The following CWH43 variants were observed in gnomAD, a reference collection of about 807,000 sequenced individuals.
CWH43 encodes cell wall biogenesis 43 C-terminal homolog, also known as PGAP2-interacting protein.
Under a neutral mutation model 85.7 loss-of-function variants are expected in CWH43, and 91 were observed. The observed-to-expected ratio is 1.06, with a 90% CI of 0.90 to 1.26. The LOEUF (loss-of-function observed/expected upper bound fraction) is 1.26. Among genes scored for constraint, CWH43 ranks in the 50% most tolerant of loss-of-function variants. The pLI is 0.00. For missense variants in CWH43, 869 were observed against 839.2 expected, an observed-to-expected ratio of 1.04 and a Z score of -0.44; for synonymous variants, 323 against 293.6, an observed-to-expected ratio of 1.10 and a Z score of -1.02.
chr4:48,987,439 G>A (rs555995415), intron 1 of CWH43, among the ~76,000 whole-genome samples: 3 of 152,282 alleles, frequency 2.0e-5, no homozygotes, highest in East Asian at 1.9e-4. Context: ...TGGTTAGACC[G>A]GCTACCTTTG....
intron 5 of CWH43, 102 bp from the exon 6 acceptor site, chr4:48,998,358 C>G (rs1260311514): frequency 3.4e-6 from 3 of 870,524 alleles, no homozygotes; most frequent in Non-Finnish European, 5.6e-6. Flanking sequence ...CACACGTTAT[C>G]TCTTATATGT....
At chr4:49,004,884 T>A (rs1783107498) in intron 7 of CWH43, among the ~76,000 whole-genome samples, 1 of 152,206 alleles carries the variant, frequency 6.6e-6, no homozygotes, top group African/African-American at 2.4e-5. Context: ...TATAATTTCA[T>A]AAACTTAGTT....
intron 15 of CWH43, among the ~76,000 whole-genome samples, chr4:49,058,036 A>G (rs1785021294): frequency 6.6e-6 from 1 of 152,118 alleles, no homozygotes; most frequent in South Asian, 2.1e-4. Flanking sequence ...GCAATTTCTT[A>G]TAACTTATTT....
chr4:49,010,336 T>G (rs1380181640), intron 8 of CWH43, among the ~76,000 whole-genome samples: 1 of 152,244 alleles, frequency 6.6e-6, no homozygotes, highest in East Asian at 1.9e-4. Context: ...CTTTATCATT[T>G]TTTATCATGT....
rs368768246 is a variant in CWH43 at position 49,014,443 on chromosome 4, A to C, written c.1187-2806A>C. 6.4e-4 allele frequency among the ~76,000 whole-genome samples: 95 copies of C among 148,976 alleles called. 1 individual carries two copies. In the South Asian group the frequency reaches 0.02, roughly 31 times the overall value. Reference sequence around the variant, plus strand: ...CACTGCACTTCAGCATGGATGACAGAATGAGACTCTGACTCAAAAAAAAAA... The same window carrying C: ...CACTGCACTTCAGCATGGATGACAGCATGAGACTCTGACTCAAAAAAAAAA... On this transcript the variant is annotated intron_variant, in intron 8 of 15. Coordinates refer to ENST00000226432, the MANE Select transcript of CWH43 (RefSeq NM_025087.3).
intron 6 of CWH43, among the ~76,000 whole-genome samples, chr4:49,000,139 T>G (rs1411212485): frequency 3.3e-5 from 5 of 152,144 alleles, no homozygotes; most frequent in Non-Finnish European, 7.4e-5. Context: ...TACATGTTAA[T>G]TAAGTTGGTG....
intron 4 of CWH43, among the ~76,000 whole-genome samples, chr4:48,994,182 C>T (rs527828553): frequency 6.6e-6 from 1 of 152,342 alleles, no homozygotes; most frequent in East Asian, 1.9e-4. Flanking sequence ...TGCACAGTGG[C>T]TGCCCAGTCA....
At chr4:49,002,998 A>G (rs1039500373) in intron 6 of CWH43, among the ~76,000 whole-genome samples, 1 of 152,192 alleles carries the variant, frequency 6.6e-6, no homozygotes, top group Non-Finnish European at 1.5e-5. Flanking sequence ...GAAAGGGGTT[A>G]TATTGATGGT....
At chr4:48,986,778 C>T (rs1248448285) in intron 1 of CWH43, 9 of 1,228,830 alleles carry the variant, frequency 7.3e-6, no homozygotes, top group Admixed American at 4.4e-5. Flanking sequence ...CTTGACCCCG[C>T]GCGGCCGGTA....
chr4:49,009,610 G>A (rs1440975156), intron 8 of CWH43, among the ~76,000 whole-genome samples: 6 of 152,084 alleles, frequency 3.9e-5, no homozygotes, highest in South Asian at 4.1e-4. Context: ...TTGACTGTGG[G>A]TTTGTCATAA....
intron 1 of CWH43, 30 bp downstream of exon 1, chr4:48,986,502 C>G: frequency 1.3e-6 from 2 of 1,550,816 alleles, no homozygotes; most frequent in Non-Finnish European, 1.7e-6. Flanking sequence ...CGCGAGTTCG[C>G]GGGTGCCAGC....
chr4:48,998,305 T>C (rs761171979), intron 5 of CWH43, among the ~76,000 whole-genome samples, 155 bp from the exon 6 acceptor site: 21 of 152,322 alleles, frequency 1.4e-4, no homozygotes, highest in African/African-American at 4.6e-4. Flanking sequence ...ATGTGTATAA[T>C]ATTGGCTTCC....
intron 6 of CWH43, among the ~76,000 whole-genome samples, chr4:49,002,796 G>A (rs755994669): frequency 3.9e-5 from 6 of 152,164 alleles, no homozygotes; most frequent in Non-Finnish European, 8.8e-5. Context: ...CTGTGATGGT[G>A]CAATGGAATG....
chr4:49,022,804 A>G (rs895259225), intron 9 of CWH43, among the ~76,000 whole-genome samples: 8 of 152,098 alleles, frequency 5.3e-5, no homozygotes, highest in African/African-American at 1.4e-4. Flanking sequence ...AAATTTATCC[A>G]TCTCCTCTAG....
intron 10 of CWH43, among the ~76,000 whole-genome samples, chr4:49,030,133 C>T (rs1186883069): frequency 6.6e-6 from 1 of 152,210 alleles, no homozygotes; most frequent in African/African-American, 2.4e-5. Context: ...AAGCAAATTG[C>T]TTTCAACAGG....
At chr4:48,996,002 A>T (rs1432458867) in intron 5 of CWH43, among the ~76,000 whole-genome samples, 1 of 147,944 alleles carries the variant, frequency 6.8e-6, no homozygotes. Flanking sequence ...ATTCTCCCAT[A>T]TGAGGCAGGA....
intron 15 of CWH43, 125 bp from the exon 16 acceptor site, chr4:49,061,687 T>C (rs570651124): frequency 6.2e-5 from 53 of 848,616 alleles, no homozygotes; most frequent in Admixed American, 2.0e-4. Flanking sequence ...CTTTCCTATA[T>C]GCATGAATCT....
At chr4:49,029,504 C>T (rs1008084655) in intron 10 of CWH43, among the ~76,000 whole-genome samples, 2 of 152,098 alleles carry the variant, frequency 1.3e-5, no homozygotes, top group Admixed American at 1.3e-4. Flanking sequence ...CCTGACTGTC[C>T]CCCAGCCCGG....
chr4:49,048,389 A>G (rs1784695779), intron 14 of CWH43, among the ~76,000 whole-genome samples: 2 of 151,348 alleles, frequency 1.3e-5, no homozygotes, highest in South Asian at 4.2e-4. Flanking sequence ...ATACATGTAC[A>G]TATAAAGTAT....
Sources: allele counts gnomAD v4.1 joint callset (sites outside exome capture counted in the v4.1 genomes callset), GRCh38; gene constraint gnomAD v4.1.1; transcripts MANE v1.5; gene names NCBI Gene and HGNC (gene_info 2026-07-23, HGNC 2026-07-21).